ARHGEF28: variants seen among roughly 807,000 people sequenced by gnomAD.
ARHGEF28 encodes 190 kDa guanine nucleotide exchange factor.
A neutral mutation model predicts 206.6 loss-of-function variants in ARHGEF28; 152 were observed. The observed-to-expected ratio is 0.74, with a 90% CI of 0.64 to 0.84. The LOEUF (loss-of-function observed/expected upper bound fraction) is 0.84, where lower values mean the gene tolerates loss of function less well. Ranked by LOEUF, ARHGEF28 falls within the 40% of genes least tolerant of loss-of-function variation. The pLI is 0.00. For synonymous variants in ARHGEF28, 763 were observed against 776.4 expected (o/e 0.98, Z 0.29); for missense variants, 2,028 against 2,073.2 (o/e 0.98, Z 0.42).
At chr5:73,787,770 T>A (rs1185442218) in intron 7 of ARHGEF28, among the ~76,000 whole-genome samples, 6 of 152,218 alleles carry the variant, frequency 3.9e-5, no homozygotes, top group African/African-American at 7.2e-5. Flanking sequence ...TTTCCTTTAG[T>A]GACTGACTTT....
At chr5:73,689,805 C>A (rs953767500) in intron 2 of ARHGEF28, among the ~76,000 whole-genome samples, 4 of 150,296 alleles carry the variant, frequency 2.7e-5, no homozygotes, top group Admixed American at 6.6e-5. Flanking sequence ...CAGAGGCCTG[C>A]AGTCTGGTTT....
At chr5:73,638,215 T>G (rs77198887) in intron 1 of ARHGEF28, among the ~76,000 whole-genome samples, 11,741 of 152,252 alleles carry the variant, frequency 0.077, 742 homozygotes, top group East Asian at 0.33. Context: ...AGCTATTTGG[T>G]GGGAGGGAAA....
intron 21 of ARHGEF28, 21 bp from the exon 22 acceptor site, chr5:73,872,978 A>G: frequency 4.3e-6 from 7 of 1,611,868 alleles, no homozygotes; most frequent in African/African-American, 1.3e-5. Flanking sequence ...TTTAAGGCTT[A>G]TGTGTGCTCA....
At chr5:73,776,164 C>G (rs1471603117) in intron 5 of ARHGEF28, among the ~76,000 whole-genome samples, 1 of 152,190 alleles carries the variant, frequency 6.6e-6, no homozygotes, top group Non-Finnish European at 1.5e-5. Flanking sequence ...ATTTGTTCTA[C>G]TACAGGTAGC....
intron 2 of ARHGEF28, among the ~76,000 whole-genome samples, chr5:73,690,723 G>A (rs1747771403): frequency 6.6e-6 from 1 of 151,982 alleles, no homozygotes; most frequent in African/African-American, 2.4e-5. Context: ...TGTTTGTAAA[G>A]TATAATTAAT....
intron 9 of ARHGEF28, among the ~76,000 whole-genome samples, chr5:73,805,197 C>CT (rs1200699062): frequency 1.3e-5 from 2 of 151,842 alleles, no homozygotes; most frequent in African/African-American, 2.4e-5. Flanking sequence ...TTGTATATAT[C>CT]TTTTTTTTAG....
At chr5:73,678,911 G>T (rs1746882383) in intron 1 of ARHGEF28, among the ~76,000 whole-genome samples, 1 of 152,178 alleles carries the variant, frequency 6.6e-6, no homozygotes, top group Non-Finnish European at 1.5e-5. Context: ...GACAGGGTCT[G>T]GCTCTGTTGC....
chr5:73,764,320 A>G (rs1341924613), intron 4 of ARHGEF28, among the ~76,000 whole-genome samples: 3 of 152,242 alleles, frequency 2.0e-5, no homozygotes, highest in South Asian at 2.1e-4. Flanking sequence ...GGCTATATGC[A>G]TAATTTAGTT....
chr5:73,707,309 C>T (rs147242887), intron 2 of ARHGEF28, among the ~76,000 whole-genome samples: 239 of 152,256 alleles, frequency 1.6e-3, no homozygotes, highest in African/African-American at 5.5e-3. Context: ...TGTTTTGTGA[C>T]GATAGTGATG....
chr5:73,824,178 C>G (rs1756759188), intron 9 of ARHGEF28, among the ~76,000 whole-genome samples: 1 of 152,158 alleles, frequency 6.6e-6, no homozygotes, highest in Admixed American at 6.5e-5. Flanking sequence ...GGTAGCCTAT[C>G]TGATATTTTA....
chr5:73,930,813 C>A (rs1052109214), intron 35 of ARHGEF28, among the ~76,000 whole-genome samples: 3 of 152,036 alleles, frequency 2.0e-5, no homozygotes, highest in Non-Finnish European at 4.4e-5. Context: ...AACATCTATC[C>A]GCTTCATTTT....
At chr5:73,632,082 T>C (rs770900726) in intron 1 of ARHGEF28, among the ~76,000 whole-genome samples, 1 of 152,194 alleles carries the variant, frequency 6.6e-6, no homozygotes, top group Non-Finnish European at 1.5e-5. Flanking sequence ...ATACACGTGT[T>C]GGTCAGTTAT....
intron 1 of ARHGEF28, among the ~76,000 whole-genome samples, chr5:73,668,182 C>T (rs1296322404): frequency 6.6e-6 from 1 of 152,184 alleles, no homozygotes; most frequent in Non-Finnish European, 1.5e-5. Context: ...CACCCATTAC[C>T]TAGTTTCAAA....
chr5:73,759,885 A>G (rs1298991842), intron 4 of ARHGEF28, among the ~76,000 whole-genome samples: 3 of 152,250 alleles, frequency 2.0e-5, no homozygotes, highest in Non-Finnish European at 4.4e-5. Context: ...TGGCCTAGCA[A>G]TGTTTGACAG....
intron 7 of ARHGEF28, among the ~76,000 whole-genome samples, chr5:73,791,212 G>A (rs1244339293): frequency 6.6e-6 from 1 of 152,168 alleles, no homozygotes; most frequent in Non-Finnish European, 1.5e-5. Context: ...GGGATACAAG[G>A]GTTGAGCGGA....
At chr5:73,799,489 G>C (rs1328323869) in intron 9 of ARHGEF28, among the ~76,000 whole-genome samples, 1 of 152,192 alleles carries the variant, frequency 6.6e-6, no homozygotes, top group African/African-American at 2.4e-5. Context: ...CAGTGTCTCA[G>C]GGGGAATTAC....
At chr5:73,681,524 A>G (rs1400982557) in intron 1 of ARHGEF28, among the ~76,000 whole-genome samples, 1 of 152,060 alleles carries the variant, frequency 6.6e-6, no homozygotes, top group East Asian at 1.9e-4. Context: ...TTAAAAATTG[A>G]TGATTATAGG....
Position 73,887,629 on chromosome 5 carries a change from G to A in ARHGEF28, c.3337G>A (p.Val1113Met), listed in dbSNP as rs1199608389. 3.8e-6 allele frequency: 6 copies of A among 1,572,498 alleles called. No individual in the cohort carries two copies. The highest frequency in any genetic ancestry group is 1.2e-5 in the South Asian group (1 of 85,650). ...KDILALLLTD[V>M]LLFLQEKDQK... ...TATCCTAGCTCTACTTCTAACTGAT[G>A]TGCTGCTCTTTTTACAAGAAAAAGA... is the stretch of plus-strand genomic sequence containing the variant. Residue 1113 changes from valine to methionine, a missense_variant, in exon 26 of 36, where the codon GTG becomes ATG. By Grantham distance (21) the Val-to-Met change is conservative (BLOSUM62 1). This residue lies in a region of ARHGEF28 where 803 missense variants were observed against 768.0 expected (regional missense o/e 1.05). Transcript: ENST00000513042.
At chr5:73,736,844 GGGGA>G (rs771407287) in intron 2 of ARHGEF28, among the ~76,000 whole-genome samples, 1 of 152,056 alleles carries the variant, frequency 6.6e-6, no homozygotes, top group East Asian at 1.9e-4. Flanking sequence ...AAGTTGGTGA[GGGGA>G]GGGAGGGAGG....
Sources: allele counts gnomAD v4.1 joint callset (sites outside exome capture counted in the v4.1 genomes callset), GRCh38; gene constraint gnomAD v4.1.1; regional missense constraint gnomAD v4.1.1; transcripts MANE v1.5; gene names NCBI Gene and HGNC (gene_info 2026-07-23, HGNC 2026-07-21).